RGS7: variants seen among roughly 807,000 people sequenced by gnomAD.
RGS7 encodes regulator of G-protein signaling 7.
RGS7 carries 27 observed loss-of-function variants against 81.1 expected under a neutral mutation model. That is an observed-to-expected ratio of 0.33 (90% confidence interval 0.25 to 0.46). The LOEUF is 0.46. RGS7 is among the 20% of genes least tolerant of loss of function. The pLI is 1.00. For synonymous variants in RGS7, 208 were observed against 207.7 expected, an observed-to-expected ratio of 1.00 and a Z score of -0.01; for missense variants, 396 against 607.4, an observed-to-expected ratio of 0.65 and a Z score of 3.66.
At chr1:241,333,172 G>C (rs568462374) in intron 2 of RGS7, among the ~76,000 whole-genome samples, 2 of 152,162 alleles carry the variant, frequency 1.3e-5, no homozygotes, top group Admixed American at 6.5e-5. Context: ...TAAAGGCATC[G>C]ACTGCTACAA....
At chr1:240,928,205 T>G (rs1321580073) in intron 6 of RGS7, among the ~76,000 whole-genome samples, 1 of 152,232 alleles carries the variant, frequency 6.6e-6, no homozygotes, top group Non-Finnish European at 1.5e-5. Flanking sequence ...AAGGTTGTAG[T>G]GCGAAGGCCT....
At chr1:241,215,651 T>A (rs946828211) in intron 2 of RGS7, among the ~76,000 whole-genome samples, 2 of 152,196 alleles carry the variant, frequency 1.3e-5, no homozygotes, top group African/African-American at 4.8e-5. Flanking sequence ...TTTTTTGGCC[T>A]CAGTTCTAGC....
At chr1:241,282,268 G>C (rs922654771) in intron 2 of RGS7, among the ~76,000 whole-genome samples, 1 of 152,100 alleles carries the variant, frequency 6.6e-6, no homozygotes, top group African/African-American at 2.4e-5. Context: ...TTCTGTTCCT[G>C]TATTAATTTG....
intron 2 of RGS7, among the ~76,000 whole-genome samples, chr1:241,194,584 G>A (rs966789407): frequency 1.3e-5 from 2 of 152,138 alleles, no homozygotes; most frequent in African/African-American, 4.8e-5. Flanking sequence ...AAACTGCAAA[G>A]GCAAGGCTTT....
intron 18 of RGS7, among the ~76,000 whole-genome samples, chr1:240,789,970 C>G (rs1685709210): frequency 6.6e-6 from 1 of 152,166 alleles, no homozygotes; most frequent in Admixed American, 6.5e-5. Flanking sequence ...CATGTGATAT[C>G]TCCCCCAGTC....
intron 2 of RGS7, among the ~76,000 whole-genome samples, chr1:241,109,155 G>A (rs939856299): frequency 6.6e-6 from 1 of 152,100 alleles, no homozygotes; most frequent in East Asian, 1.9e-4. Context: ...ACGATATGAC[G>A]CCCAACTGTC....
At chr1:240,987,062 C>T (rs1253390977) in intron 3 of RGS7, among the ~76,000 whole-genome samples, 2 of 152,332 alleles carry the variant, frequency 1.3e-5, no homozygotes, top group East Asian at 3.9e-4. Context: ...TCCACGTCTG[C>T]ACCCCTCCCC....
At chr1:241,304,433 A>G (rs1209138830) in intron 2 of RGS7, among the ~76,000 whole-genome samples, 1 of 152,234 alleles carries the variant, frequency 6.6e-6, no homozygotes, top group African/African-American at 2.4e-5. Context: ...CACAGCCAAC[A>G]GCAGTTGTGA....
intron 12 of RGS7, 126 bp from the exon 13 acceptor site, chr1:240,813,854 A>C: frequency 1.4e-6 from 1 of 696,404 alleles, no homozygotes; most frequent in East Asian, 2.8e-5. Flanking sequence ...CATGAAATCC[A>C]ATGGCAATCT....
At chr1:241,237,517 TA>T (rs371463884) in intron 2 of RGS7, among the ~76,000 whole-genome samples, 2,100 of 149,746 alleles carry the variant, frequency 0.014, 47 homozygotes, top group African/African-American at 0.048. Context: ...ATTTTACACT[TA>T]AAAAAAAAAT....
At chr1:240,865,072 T>A (rs1257377382) in intron 9 of RGS7, among the ~76,000 whole-genome samples, 2 of 152,212 alleles carry the variant, frequency 1.3e-5, no homozygotes, top group Non-Finnish European at 2.9e-5. Context: ...TGCTAGCTGC[T>A]TTTACCCATA....
rs193082049 is a variant in RGS7, at chr1:241,285,709, G to T, written c.78+69990C>A. On this transcript the variant is annotated intron_variant, in intron 2 of 18. Transcript: ENST00000440928. ...TGCTTTCAAACAGTATACTAGAACTGTTTTCAAGTAATAAATGTTCACAAC... is the reference window on the plus strand; with the variant it reads ...TGCTTTCAAACAGTATACTAGAACTTTTTTCAAGTAATAAATGTTCACAAC... 8.7e-3 allele frequency among the ~76,000 whole-genome samples: 1,331 copies of T among 152,262 alleles called. 46 individuals are homozygous for T. The highest frequency in any genetic ancestry group is 0.072 in the Admixed American group (1,099 of 15,304).
intron 2 of RGS7, among the ~76,000 whole-genome samples, chr1:241,278,074 A>C (rs1384955962): frequency 6.6e-6 from 1 of 152,146 alleles, no homozygotes; most frequent in African/African-American, 2.4e-5. Context: ...CGTCACAGCG[A>C]TGCTTCCTGC....
intron 2 of RGS7, among the ~76,000 whole-genome samples, chr1:241,162,222 G>GCGCCCCCCCCCCCCCCC (rs68166816): frequency 2.1e-4 from 30 of 142,028 alleles, no homozygotes; most frequent in African/African-American, 3.4e-4. Context: ...CTGGTGATCA[G>GCGCCCCCCCCCCCCCCC]CTTCCAAATA....
chr1:240,802,282 C>T (rs1443973569), intron 16 of RGS7, among the ~76,000 whole-genome samples: 1 of 152,122 alleles, frequency 6.6e-6, no homozygotes, highest in African/African-American at 2.4e-5. Context: ...ATATTGATTA[C>T]ATAAGGAGTT....
chr1:240,901,282 G>C (rs1011796335), intron 6 of RGS7, among the ~76,000 whole-genome samples: 1 of 152,098 alleles, frequency 6.6e-6, no homozygotes, highest in South Asian at 2.1e-4. Context: ...CTCATGGTCC[G>C]TGGGCTGCTC....
chr1:240,939,536 G>C (rs1321687132), intron 4 of RGS7, among the ~76,000 whole-genome samples: 1 of 151,994 alleles, frequency 6.6e-6, no homozygotes, highest in Admixed American at 6.6e-5. Context: ...TTATAGTCCT[G>C]GTTAAATTCT....
rs113171160 is a variant in RGS7 at position 240,835,457 on chromosome 1, G to A, written c.610-8285C>T. 1.4e-4 allele frequency among the ~76,000 whole-genome samples: 21 copies of A among 152,358 alleles called. 1 individual carries two copies. Among genetic ancestry groups the A allele is most frequent in the African/African-American group, 5.0e-4 (21 of 41,586 alleles). ...GAAAACACCAATTGCTGGCAAGAAT[G>A]TGGAGCCACAGAGATTCTCATTCAT... is the stretch of plus-strand genomic sequence containing the variant. On this transcript the variant is annotated intron_variant, in intron 9 of 18. Transcript: ENST00000440928.
chr1:240,832,980 T>C (rs972111719), intron 9 of RGS7, among the ~76,000 whole-genome samples: 1 of 152,184 alleles, frequency 6.6e-6, no homozygotes, highest in African/African-American at 2.4e-5. Flanking sequence ...ATATGCTGTT[T>C]TTCTTATATA....
Sources: gnomAD v4.1 joint callset for allele counts (sites outside exome capture counted in the v4.1 genomes callset) on GRCh38, gnomAD v4.1.1 for gene constraint, MANE v1.5 for transcripts, NCBI Gene and HGNC (gene_info 2026-07-23, HGNC 2026-07-21) for gene names.